The following C1QTNF8 variants were observed in gnomAD, a reference collection of about 807,000 sequenced individuals.
The protein encoded by C1QTNF8 is complement C1q tumor necrosis factor-related protein 8.
In C1QTNF8, 27 loss-of-function variants were observed where a neutral mutation model predicts 19.2. The ratio of observed to expected loss-of-function variants is 1.41; its 90% CI spans 1.04 to 1.94. The LOEUF is 1.94. Among genes scored for constraint, C1QTNF8 ranks in the 30% most tolerant of loss-of-function variants. The pLI is 0.00. For missense variants in C1QTNF8, 484 were observed against 374.4 expected (o/e 1.29, Z -2.42); for synonymous variants, 208 against 172.8 (o/e 1.20, Z -1.60).
intron 3 of C1QTNF8, 48 bp downstream of exon 3, chr16:1,094,667 T>C (rs750799323): frequency 1.3e-6 from 2 of 1,518,248 alleles, no homozygotes; most frequent in African/African-American, 2.8e-5. Flanking sequence ...CCCTGTGGGC[T>C]GTTGGGTCCT....
At chr16:1,092,433 C>T (rs913789960) in intron 4 of C1QTNF8, among the ~76,000 whole-genome samples, 6 of 149,988 alleles carry the variant, frequency 4.0e-5, no homozygotes, top group Admixed American at 1.3e-4. Flanking sequence ...ACAGTCGGCA[C>T]TCAACCAATC....
chr16:1,090,048 C>T lies in C1QTNF8; in HGVS notation c.*551G>A, dbSNP rs1045543317. 13 of 152,542 alleles carry T rather than the reference C, an allele frequency of 8.5e-5. No individual in the cohort carries two copies. The highest frequency in any genetic ancestry group is 3.1e-4 in the African/African-American group (13 of 41,452). 9.4% of individuals were successfully genotyped at this position (152,542 alleles called of 1,614,324 possible). Reference sequence around the variant, plus strand: ...AAGGTTCCGGGTCCAGCCCCAGCGCCAGTGCCCCTCCTGTCTCTAGCAGGG... The same window carrying T: ...AAGGTTCCGGGTCCAGCCCCAGCGCTAGTGCCCCTCCTGTCTCTAGCAGGG... On this transcript the variant is annotated 3_prime_UTR_variant, in exon 5 of 5. Coordinates refer to ENST00000328449, the MANE Select transcript of C1QTNF8 (RefSeq NM_207419.3).
rs2076422 is a variant in C1QTNF8, at chr16:1,096,228, C to T, written c.-258G>A. 40,770 of 152,166 alleles carry T rather than the reference C, an allele frequency of 0.27. 5,948 individuals are homozygous for T. The highest frequency in any genetic ancestry group is 0.33 in the Non-Finnish European group (22,622 of 68,030). The allele number at this position is 152,166 out of a possible 1,614,324, so 9.4% of individuals were successfully genotyped here. A position where few individuals can be genotyped will look rare whatever the true frequency, so the allele number is the denominator to read the frequency against. On this transcript the variant is annotated 5_prime_UTR_variant, in exon 1 of 5. Transcript: ENST00000328449. ...GCCCTTTCATGCCCGCCTGGGCGCC[C>T]GTGGCTTCCTCTGGGCTGTCCAAGA...
In C1QTNF8 at chr16:1,090,179, G is replaced by A. The variant is rs756132369; in HGVS notation, c.*420C>T. The stretch of plus-strand genomic sequence containing the variant: ...GCCCCCCCACAGACACACAAGGTGG[G>A]ACTTGAGTACGGGGCCACTTGGGGG... On this transcript the variant is annotated 3_prime_UTR_variant, in exon 5 of 5. Transcript: ENST00000328449. 3 of 152,384 alleles carry A rather than the reference G, an allele frequency of 2.0e-5. No individual in the cohort carries two copies. The highest frequency in any genetic ancestry group is 4.4e-5 in the Non-Finnish European group (3 of 68,152). 9.4% of individuals were successfully genotyped at this position (152,384 alleles called of 1,614,324 possible).
At chr16:1,091,052 GC>G (rs1960534107) in intron 4 of C1QTNF8, among the ~76,000 whole-genome samples, 2 of 152,178 alleles carry the variant, frequency 1.3e-5, no homozygotes, top group African/African-American at 4.8e-5. Flanking sequence ...ACTGGTGGGG[GC>G]CCCTGTGGGG....
rs1960632956 is a variant in C1QTNF8, at chr16:1,094,032, G to A, written c.228C>T (p.Gly76=). 2.0e-6 allele frequency: 3 copies of A among 1,470,232 alleles called. No homozygotes were observed. The highest frequency in any genetic ancestry group is 1.5e-5 in the African/African-American group (1 of 67,544). The allele number at this position is 1,470,232 out of a possible 1,614,324, so 91.1% of individuals were successfully genotyped here. The change falls in exon 4 of 5, where the codon GGC becomes GGT. Residue 76 remains glycine, a synonymous_variant. Transcript: ENST00000328449. ...EILKGEKGEA[G]VRGRAGRSGK... ...CGCTCCTGCCGGCCCGACCTCGGAC[G>A]CCGGCCTCACCCTTCTCACCTGCAG...
chr16:1,092,245 GTCCCTGCACACAGTCGGCACTCAATCAA>G, intron 4 of C1QTNF8, among the ~76,000 whole-genome samples: 1 of 152,164 alleles, frequency 6.6e-6, no homozygotes, highest in East Asian at 1.9e-4. Flanking sequence ...ACATGGCCCA[GTCCCTGCACACAGTCGGCACTCAATCAA>G]TCCCTGCACA....
intron 4 of C1QTNF8, 109 bp downstream of exon 4, chr16:1,093,387 CA>C: frequency 2.4e-6 from 1 of 419,530 alleles, no homozygotes. Context: ...CACCCCACCA[CA>C]CCCACACCCA....
chr16:1,094,368 T>C (rs967484450), intron 3 of C1QTNF8, among the ~76,000 whole-genome samples: 1 of 152,108 alleles, frequency 6.6e-6, no homozygotes, highest in African/African-American at 2.4e-5. Flanking sequence ...AAGCCTAACC[T>C]TAGTACAGCC....
chr16:1,091,350 C>T (rs1960540149), intron 4 of C1QTNF8, among the ~76,000 whole-genome samples: 2 of 152,068 alleles, frequency 1.3e-5, no homozygotes, highest in Non-Finnish European at 1.5e-5. Flanking sequence ...CCAGTGGCCG[C>T]GCTGCCACAA....
chr16:1,093,983 G>C lies in C1QTNF8; in HGVS notation c.277C>G (p.Arg93Gly), dbSNP rs575968386. The change falls in exon 4 of 5, where the codon CGG becomes GGG. Residue 93 changes from arginine to glycine, a missense_variant. Coordinates refer to ENST00000328449, the MANE Select transcript of C1QTNF8 (RefSeq NM_207419.3). ...TGGCCTCTGCGGCCCTGCAGGCCCC[G>C]GGCGCCTGGCGGCCCCTCTTTCCCG... Reference protein sequence around the residue: ...RSGKEGPPGARGLQGRRGQKG... With the variant: ...RSGKEGPPGAGGLQGRRGQKG... 5 of 1,467,832 alleles carry C rather than the reference G, an allele frequency of 3.4e-6. No individual in the cohort carries two copies. Among genetic ancestry groups the C allele is most frequent in the East Asian group, 2.7e-5 (1 of 36,498 alleles). 90.9% of individuals were successfully genotyped at this position (1,467,832 alleles called of 1,614,324 possible). A position where few individuals can be genotyped will look rare whatever the true frequency, so the allele number is the denominator to read the frequency against.
rs1960514168 is a variant in C1QTNF8 at position 1,090,123 on chromosome 16, T to G, written c.*476A>C. 1.3e-5 allele frequency: 2 copies of G among 152,348 alleles called. No homozygotes were observed. Among genetic ancestry groups the G allele is most frequent in the South Asian group, 4.1e-4 (2 of 4,828 alleles). 9.4% of individuals were successfully genotyped at this position (152,348 alleles called of 1,614,324 possible). A position where few individuals can be genotyped will look rare whatever the true frequency, so the allele number is the denominator to read the frequency against. On this transcript the variant is annotated 3_prime_UTR_variant, in exon 5 of 5. Coordinates refer to ENST00000328449, the MANE Select transcript of C1QTNF8 (RefSeq NM_207419.3). ...CGGCCCCAGCCCCTCCTGTCCTTGGTTGTCACCACACTTCCAGAAGCCCTG... is the reference window on the plus strand; with the variant it reads ...CGGCCCCAGCCCCTCCTGTCCTTGGGTGTCACCACACTTCCAGAAGCCCTG...
At chr16:1,091,256 C>T (rs1228579272) in intron 4 of C1QTNF8, among the ~76,000 whole-genome samples, 2 of 152,164 alleles carry the variant, frequency 1.3e-5, no homozygotes, top group South Asian at 2.1e-4. Flanking sequence ...TCTCCTGCCC[C>T]CACCCGGGGA....
Position 1,094,757 on chromosome 16 carries a change from G to T in C1QTNF8, c.166C>A (p.Leu56Met), listed in dbSNP as rs1567393814. ...TCTATAGTGGGCCGTACTCGAGGCA[G>T]CCCCCTCCACAGGTCCCCCCTCCAC... is the stretch of plus-strand genomic sequence containing the variant. ...DLWRGDLWRGLPRVRPTIDIE... is the reference protein window; with the variant it reads ...DLWRGDLWRGMPRVRPTIDIE... The change falls in exon 3 of 5, where the codon CTG becomes ATG. Residue 56 changes from leucine to methionine, a missense_variant. Transcript: ENST00000328449. 2.6e-6 allele frequency: 4 copies of T among 1,558,012 alleles called. No individual in the cohort carries two copies. Among genetic ancestry groups the T allele is most frequent in the Non-Finnish European group, 3.5e-6 (4 of 1,154,638 alleles).
At chr16:1,090,776 G>A (rs1046971812) in intron 4 of C1QTNF8, among the ~76,000 whole-genome samples, 182 bp from the exon 5 acceptor site, 10 of 152,200 alleles carry the variant, frequency 6.6e-5, no homozygotes, top group African/African-American at 1.9e-4. Flanking sequence ...GCCCAGTGGT[G>A]GGTGGTGGGG....
rs1413964651 is a variant in C1QTNF8, at chr16:1,089,364, C to G, written c.*1235G>C. On this transcript the variant is annotated 3_prime_UTR_variant, in exon 5 of 5. Coordinates refer to ENST00000328449, the MANE Select transcript of C1QTNF8 (RefSeq NM_207419.3). Reference sequence around the variant, plus strand: ...CCCAACAGGCTCCTCCTGGGGATCCCCCCAAGCAGGAACCCCTGGAGCCGT... The same window carrying G: ...CCCAACAGGCTCCTCCTGGGGATCCGCCCAAGCAGGAACCCCTGGAGCCGT... 9.2e-5 allele frequency among the ~76,000 whole-genome samples: 14 copies of G among 152,164 alleles called. No homozygotes were observed. In the East Asian group the frequency reaches 2.7e-3, roughly 29 times the overall value.
In C1QTNF8 at chr16:1,093,479, AGCCGCGGGGCCCCT is replaced by A. The variant is rs1960606581; in HGVS notation, c.*4+4_*4+17del. ...ACACGCGCGCGCGCGCCCGGTGCTC[AGCCGCGGGGCCCCT>A]CACCCGGCTACAGCTCGGCGGCCGG... On this transcript the variant is annotated splice_donor_5th_base_variant and intron_variant, in intron 4 of 4. Transcript: ENST00000328449. The A allele has an allele frequency of 6.8e-7, 1 of 1,466,852 alleles. No homozygotes were observed. The highest frequency in any genetic ancestry group is 1.5e-5 in the African/African-American group (1 of 64,560). The allele number at this position is 1,466,852 out of a possible 1,614,324, so 90.9% of individuals were successfully genotyped here. A position where few individuals can be genotyped will look rare whatever the true frequency, so the allele number is the denominator to read the frequency against.
rs769013208 is a variant in C1QTNF8, at chr16:1,093,579, G to GTCC, written c.678_680dup (p.Arg226_Asp227insGlu). 6.3e-7 allele frequency: 1 copy of GTCC among 1,599,420 alleles called. No homozygotes were observed. The highest frequency in any genetic ancestry group is 8.5e-7 in the Non-Finnish European group (1 of 1,173,018). ...CTCCGTGCTCGCCGTAGATGGCGTT[G>GTCC]TCCCGGTCGCGCTGGAACATGCGCA... is the stretch of plus-strand genomic sequence containing the variant. On this transcript the variant is annotated inframe_insertion, in exon 4 of 5. Transcript: ENST00000328449.
Position 1,093,452 on chromosome 16 carries a change from A to ACG in C1QTNF8, c.*4+44_*4+45insCG, listed in dbSNP as rs776067091. On this transcript the variant is annotated intron_variant, in intron 4 of 4. Coordinates refer to ENST00000328449, the MANE Select transcript of C1QTNF8 (RefSeq NM_207419.3). ...CACACACACACACACAGACACACAC[A>ACG]CACACGCGCGCGCGCGCCCGGTGCT... is the stretch of plus-strand genomic sequence containing the variant. The ACG allele has an allele frequency of 1.4e-5, 17 of 1,229,962 alleles. No homozygotes were observed. In the African/African-American group the frequency reaches 3.3e-4, roughly 24 times the overall value. 76.2% of individuals were successfully genotyped at this position (1,229,962 alleles called of 1,614,324 possible). A position where few individuals can be genotyped will look rare whatever the true frequency, so the allele number is the denominator to read the frequency against.
Sources: gnomAD v4.1 joint callset for allele counts (sites outside exome capture counted in the v4.1 genomes callset) on GRCh38, gnomAD v4.1.1 for gene constraint, MANE v1.5 for transcripts, NCBI Gene and HGNC (gene_info 2026-07-23, HGNC 2026-07-21) for gene names.